Variants in PTP4A3 observed in about 807,000 individuals in gnomAD.
The protein encoded by PTP4A3 is protein tyrosine phosphatase type IVA 3.
In PTP4A3, 9 loss-of-function variants were observed where a neutral mutation model predicts 15.2. That is an observed-to-expected ratio of 0.59 (90% CI 0.36 to 1.03). The LOEUF is 1.03. Ranked by LOEUF, PTP4A3 falls within the 50% of genes least tolerant of loss-of-function variation. PTP4A3 has a pLI of 0.02. For missense variants in PTP4A3, 234 were observed against 252.1 expected (o/e 0.93, Z 0.49); for synonymous variants, 95 against 102.0 (o/e 0.93, Z 0.41).
At chr8:141,428,613 T>G (rs1041211203) in intron 5 of PTP4A3, among the ~76,000 whole-genome samples, 1 of 151,506 alleles carries the variant, frequency 6.6e-6, no homozygotes, top group East Asian at 1.9e-4. Flanking sequence ...TGTGTGAGAG[T>G]GTGGCCCGCC....
rs770184810 is a variant in PTP4A3, at chr8:141,431,036, G to A, written c.514G>A (p.Val172Ile). 7 of 1,612,994 alleles carry A rather than the reference G, an allele frequency of 4.3e-6. No homozygotes were observed. Among genetic ancestry groups the A allele is most frequent in the Non-Finnish European group, 5.9e-6 (7 of 1,179,890 alleles). The change falls in exon 6 of 6, where the codon GTT becomes ATT. Residue 172 changes from valine to isoleucine, a missense_variant. Transcript: ENST00000521578. Reference sequence around the variant, plus strand: ...ACACACGCACAAGACCCGGTGCTGCGTTATGTAGCTCAGGACCTTGGCTGG... The same window carrying A: ...ACACACGCACAAGACCCGGTGCTGCATTATGTAGCTCAGGACCTTGGCTGG... ...DPHTHKTRCC[V>I]M is the part of the protein sequence containing the mutation.
chr8:141,424,520 G>A (rs1214387605), intron 2 of PTP4A3, among the ~76,000 whole-genome samples: 1 of 151,970 alleles, frequency 6.6e-6, no homozygotes, highest in African/African-American at 2.4e-5. Context: ...GTCGCTGTTC[G>A]GATGCAGGGG....
intron 1 of PTP4A3, among the ~76,000 whole-genome samples, chr8:141,395,573 G>T (rs1031838136): frequency 2.0e-5 from 3 of 147,112 alleles, no homozygotes; most frequent in African/African-American, 7.5e-5. Flanking sequence ...CCCCTTAGGT[G>T]CGTGGGCCAC....
chr8:141,416,958 G>C (rs538221914), intron 1 of PTP4A3, among the ~76,000 whole-genome samples: 1 of 152,292 alleles, frequency 6.6e-6, no homozygotes, highest in East Asian at 1.9e-4. Flanking sequence ...CAGGGACCCT[G>C]TGCTGGGGGT....
chr8:141,431,241 GGGCCCT>G lies in PTP4A3; in HGVS notation c.*198_*203del. 1.7e-6 allele frequency: 1 copy of G among 596,428 alleles called. No homozygotes were observed. Among genetic ancestry groups the G allele is most frequent in the Non-Finnish European group, 3.0e-6 (1 of 337,748 alleles). The allele number at this position is 596,428 out of a possible 1,614,324, so 36.9% of individuals were successfully genotyped here. A position where few individuals can be genotyped will look rare whatever the true frequency, so the allele number is the denominator to read the frequency against. ...GCCCCTCGGGCCCTGGGTGGCCTCT[GGGCCCT>G]TTCTCCTGTCTCCGCCACTCCCTCT... On this transcript the variant is annotated 3_prime_UTR_variant, in exon 6 of 6. Coordinates refer to ENST00000521578, the MANE Select transcript of PTP4A3 (RefSeq NM_032611.3).
chr8:141,409,291 C>T (rs1405326911), intron 1 of PTP4A3, among the ~76,000 whole-genome samples: 1 of 152,244 alleles, frequency 6.6e-6, no homozygotes, highest in African/African-American at 2.4e-5. Flanking sequence ...TCTCTGAGCC[C>T]TGGAGCTGGC....
chr8:141,409,180 C>T (rs950800030), intron 1 of PTP4A3, among the ~76,000 whole-genome samples: 7 of 152,196 alleles, frequency 4.6e-5, no homozygotes, highest in Admixed American at 3.9e-4. Flanking sequence ...CCTCCCTGGG[C>T]CCTGCTAGGG....
At chr8:141,399,599 C>A (rs989971468) in intron 1 of PTP4A3, among the ~76,000 whole-genome samples, 18 of 152,246 alleles carry the variant, frequency 1.2e-4, no homozygotes, top group Non-Finnish European at 1.8e-4. Flanking sequence ...CTGGGGGAGA[C>A]CCCGGCCCCC....
Position 141,431,031 on chromosome 8 carries a change from GCTGC to G in PTP4A3, c.510_513del (p.Cys170TrpfsTer15). ...GACCCACACACGCACAAGACCCGGTGCTGCGTTATGTAGCTCAGGACCTTGGCTG... is the reference window on the plus strand; with the variant it reads ...GACCCACACACGCACAAGACCCGGTGGTTATGTAGCTCAGGACCTTGGCTG... On this transcript the variant is annotated frameshift_variant, in exon 6 of 6. Coordinates refer to ENST00000521578, the MANE Select transcript of PTP4A3 (RefSeq NM_032611.3). LOFTEE classifies it high-confidence loss of function. 2 of 1,613,184 alleles carry G rather than the reference GCTGC, an allele frequency of 1.2e-6. No homozygotes were observed. Among genetic ancestry groups the G allele is most frequent in the Non-Finnish European group, 1.7e-6 (2 of 1,179,938 alleles).
chr8:141,410,240 G>C (rs999717485), intron 1 of PTP4A3, among the ~76,000 whole-genome samples: 3 of 152,266 alleles, frequency 2.0e-5, no homozygotes, highest in Non-Finnish European at 4.4e-5. Flanking sequence ...CGGCCCCCAG[G>C]CTCCCAGCCA....
chr8:141,402,060 C>T (rs2129845288), intron 1 of PTP4A3, among the ~76,000 whole-genome samples: 1 of 152,300 alleles, frequency 6.6e-6, no homozygotes, highest in African/African-American at 2.4e-5. Flanking sequence ...GAGGAGGAGA[C>T]CTGGGCAGCA....
chr8:141,395,797 C>A (rs1356667931), intron 1 of PTP4A3, among the ~76,000 whole-genome samples: 1 of 152,030 alleles, frequency 6.6e-6, no homozygotes, highest in African/African-American at 2.4e-5. Flanking sequence ...TGGCTCCTCT[C>A]CTGGCATCTT....
chr8:141,421,529 A>C lies in PTP4A3; in HGVS notation c.-712A>C, dbSNP rs988332029. The C allele has an allele frequency of 6.5e-6, 1 of 152,704 alleles. No homozygotes were observed. Among genetic ancestry groups the C allele is most frequent in the Non-Finnish European group, 1.5e-5 (1 of 68,484 alleles). 9.5% of individuals were successfully genotyped at this position (152,704 alleles called of 1,614,324 possible). ...CTCTCACCATTGCCCTCGCCTGCCG[A>C]TGGCCTCTGCTGCCCAGCCTGGGGC... On this transcript the variant is annotated 5_prime_UTR_variant, in exon 2 of 6. It removes an upstream start codon present in the reference 5' UTR. Coordinates refer to ENST00000521578, the MANE Select transcript of PTP4A3 (RefSeq NM_032611.3).
intron 1 of PTP4A3, among the ~76,000 whole-genome samples, chr8:141,394,632 A>G (rs1373882059): frequency 1.3e-5 from 2 of 152,210 alleles, no homozygotes; most frequent in Non-Finnish European, 2.9e-5. Flanking sequence ...AAATGGGAGC[A>G]ATGACAGGTC....
chr8:141,396,848 G>T (rs1832464075), intron 1 of PTP4A3, among the ~76,000 whole-genome samples: 1 of 152,178 alleles, frequency 6.6e-6, no homozygotes, highest in Non-Finnish European at 1.5e-5. Context: ...TGACGTGCGG[G>T]TCCTGAGTGC....
chr8:141,414,435 C>T (rs564404879), intron 1 of PTP4A3, among the ~76,000 whole-genome samples: 1 of 151,824 alleles, frequency 6.6e-6, no homozygotes, highest in Non-Finnish European at 1.5e-5. Flanking sequence ...GGTTCACTCA[C>T]TGGGAGGCTG....
chr8:141,403,785 G>A (rs1255647697), intron 1 of PTP4A3, among the ~76,000 whole-genome samples: 1 of 152,242 alleles, frequency 6.6e-6, no homozygotes, highest in Non-Finnish European at 1.5e-5. Flanking sequence ...AACCATGGTC[G>A]GGAGCTCCTC....
In PTP4A3 at chr8:141,430,946, A is replaced by C; in HGVS notation, c.424A>C (p.Asn142His). ...TCCCAGGAAGCGCCGCGGAGCCATCAACAGCAAGCAGCTCACCTACCTGGA... is the reference window on the plus strand; with the variant it reads ...TCCCAGGAAGCGCCGCGGAGCCATCCACAGCAAGCAGCTCACCTACCTGGA... ...FIRQKRRGAI[N>H]SKQLTYLEKY... The change falls in exon 6 of 6, where the codon AAC (asparagine) becomes CAC (histidine). Residue 142 changes from asparagine to histidine, a missense_variant. By Grantham distance (68) the Asn-to-His change is moderately conservative. Transcript: ENST00000521578. The C allele has an allele frequency of 6.2e-7, 1 of 1,613,288 alleles. No individual in the cohort carries two copies. Among genetic ancestry groups the C allele is most frequent in the African/African-American group, 1.3e-5 (1 of 75,050 alleles).
chr8:141,410,214 A>C (rs1455456670), intron 1 of PTP4A3, among the ~76,000 whole-genome samples: 1 of 152,262 alleles, frequency 6.6e-6, no homozygotes, highest in Non-Finnish European at 1.5e-5. Context: ...ACAGACGGGC[A>C]GGAGTCGGGA....
Sources: allele counts gnomAD v4.1 joint callset (sites outside exome capture counted in the v4.1 genomes callset), GRCh38; gene constraint gnomAD v4.1.1; transcripts MANE v1.5; gene names NCBI Gene and HGNC (gene_info 2026-07-23, HGNC 2026-07-21).